Variants in RPRD1B observed in about 807,000 individuals in gnomAD.
The protein encoded by RPRD1B is regulation of nuclear pre-mRNA domain containing 1B.
In RPRD1B, 11 loss-of-function variants were observed where a neutral mutation model predicts 41.5. That is an observed-to-expected ratio of 0.27 (90% confidence interval 0.17 to 0.44). The LOEUF is 0.44. Among genes scored for constraint, RPRD1B ranks in the 20% least tolerant of loss-of-function variants. The pLI is 1.00. For missense variants in RPRD1B, 248 were observed against 389.9 expected (o/e 0.64, Z 3.06); for synonymous variants, 158 against 155.6 (o/e 1.02, Z -0.12).
rs573460686 is a variant in RPRD1B, at chr20:38,076,906, C to CTTTTTTTTTTTTTTTTTTTT, written c.831+10661_831+10680dup. Among the ~76,000 whole-genome samples, 17 of 63,524 alleles carry CTTTTTTTTTTTTTTTTTTTT rather than the reference C, an allele frequency of 2.7e-4. 2 individuals are homozygous for CTTTTTTTTTTTTTTTTTTTT. Among genetic ancestry groups the CTTTTTTTTTTTTTTTTTTTT allele is most frequent in the Admixed American group, 5.3e-4 (3 of 5,692 alleles). The allele number at this position is 63,524 out of a possible 152,430, so 41.7% of individuals were successfully genotyped here. On this transcript the variant is annotated intron_variant, in intron 6 of 6. Coordinates refer to ENST00000373433, the MANE Select transcript of RPRD1B (RefSeq NM_021215.4). ...CCTTTAGCCTTTTCTCATTCTGGACCTTTTTTTTTTTTTTTTTTTTTTTTT... is the reference window on the plus strand; with the variant it reads ...CCTTTAGCCTTTTCTCATTCTGGACCTTTTTTTTTTTTTTTTTTTTTTTTTTTTTTTTTTTTTTTTTTTTT...
intron 6 of RPRD1B, among the ~76,000 whole-genome samples, chr20:38,084,842 T>C (rs574160438): frequency 2.6e-5 from 4 of 152,360 alleles, no homozygotes; most frequent in South Asian, 2.1e-4. Flanking sequence ...CCCTCTACAT[T>C]GTAAACATTT....
intron 4 of RPRD1B, among the ~76,000 whole-genome samples, chr20:38,058,260 G>T (rs1488216014): frequency 6.6e-6 from 1 of 152,060 alleles, no homozygotes; most frequent in Non-Finnish European, 1.5e-5. Flanking sequence ...CGGGGGCGGG[G>T]GGGGCTTCAT....
At chr20:38,077,951 G>A (rs993978371) in intron 6 of RPRD1B, among the ~76,000 whole-genome samples, 21 of 152,172 alleles carry the variant, frequency 1.4e-4, no homozygotes, top group South Asian at 6.2e-4. Flanking sequence ...TGAGGCAGGC[G>A]GATCACTTGA....
At chr20:38,082,786 A>T (rs1245202313) in intron 6 of RPRD1B, among the ~76,000 whole-genome samples, 1 of 151,998 alleles carries the variant, frequency 6.6e-6, no homozygotes, top group Admixed American at 6.6e-5. Flanking sequence ...ACATAACCTT[A>T]TTGTTTGTTT....
chr20:38,079,693 A>G (rs915776038), intron 6 of RPRD1B, among the ~76,000 whole-genome samples: 5 of 152,130 alleles, frequency 3.3e-5, no homozygotes, highest in African/African-American at 1.2e-4. Context: ...TTAGGCATGC[A>G]TGTGTCTTTA....
rs6022919 is a variant in RPRD1B at position 38,087,048 on chromosome 20, G to A, written c.832-2678G>A. Among the ~76,000 whole-genome samples the A allele has an allele frequency of 8.6e-5, 13 of 151,362 alleles. No homozygotes were observed. The South Asian group carries it at 2.1e-3, about 24-fold the overall frequency. ...CTCAGCTCACCACAACCTCTGCCCC[G>A]CCGGGTTCAAGCAATTCTCCTGCCT... On this transcript the variant is annotated intron_variant, in intron 6 of 6. Transcript: ENST00000373433.
At position 38,092,120 on chromosome 20, in the gene RPRD1B, T is replaced by C. The variant is rs934001245; in HGVS notation, c.*2245T>C. 28 of 985,632 alleles carry C rather than the reference T, an allele frequency of 2.8e-5. No individual in the cohort carries two copies. In the African/African-American group the frequency reaches 4.5e-4, roughly 16 times the overall value. The allele number at this position is 985,632 out of a possible 1,614,324, so 61.1% of individuals were successfully genotyped here. A position where few individuals can be genotyped will look rare whatever the true frequency, so the allele number is the denominator to read the frequency against. On this transcript the variant is annotated 3_prime_UTR_variant, in exon 7 of 7. Coordinates refer to ENST00000373433, the MANE Select transcript of RPRD1B (RefSeq NM_021215.4). Reference sequence around the variant, plus strand: ...GTGGGGTGGGTGGTTTTTGTTTTTGTGTTTTTTCTTTCTTAGGGCATCTGT... The same window carrying C: ...GTGGGGTGGGTGGTTTTTGTTTTTGCGTTTTTTCTTTCTTAGGGCATCTGT...
At chr20:38,087,642 G>A (rs144423784) in intron 6 of RPRD1B, among the ~76,000 whole-genome samples, 99 of 152,262 alleles carry the variant, frequency 6.5e-4, no homozygotes, top group African/African-American at 2.3e-3. Flanking sequence ...AGATGAATCC[G>A]TGTCCAGAAA....
intron 3 of RPRD1B, among the ~76,000 whole-genome samples, chr20:38,056,072 A>G (rs1167603350): frequency 1.3e-5 from 2 of 152,160 alleles, no homozygotes; most frequent in Non-Finnish European, 2.9e-5. Flanking sequence ...CTTTTTTTGT[A>G]ATAGACAGAA....
chr20:38,072,736 ATATTATAAAGGCCCTGTC>A lies in RPRD1B; in HGVS notation c.831+6483_831+6500del, dbSNP rs530793332. On this transcript the variant is annotated intron_variant, in intron 6 of 6. Transcript: ENST00000373433. ...AGAGTGTCATTTACTGATGCATTTG[ATATTATAAAGGCCCTGTC>A]TAGGTTTTGGGACCACAGATGGAGG... 3.0e-3 allele frequency among the ~76,000 whole-genome samples: 451 copies of A among 152,268 alleles called. 1 individual carries two copies. Among genetic ancestry groups the A allele is most frequent in the Middle Eastern group, 0.014 (4 of 294 alleles).
At chr20:38,042,697 C>T (rs537487961) in intron 2 of RPRD1B, among the ~76,000 whole-genome samples, 6 of 152,268 alleles carry the variant, frequency 3.9e-5, no homozygotes, top group South Asian at 2.1e-4. Context: ...CTGCTTCAAC[C>T]GTGATGCAGC....
intron 3 of RPRD1B, among the ~76,000 whole-genome samples, chr20:38,055,315 A>T (rs2074227888): frequency 6.6e-6 from 1 of 152,242 alleles, no homozygotes; most frequent in Admixed American, 6.5e-5. Flanking sequence ...GGTATAATTT[A>T]GATACATATC....
chr20:38,056,248 A>G (rs2074239606), intron 3 of RPRD1B, among the ~76,000 whole-genome samples: 1 of 152,072 alleles, frequency 6.6e-6, no homozygotes, highest in Non-Finnish European at 1.5e-5. Context: ...AAAATTAGCC[A>G]GGCATGGGGG....
chr20:38,044,372 A>ATTT (rs74179885), intron 2 of RPRD1B, among the ~76,000 whole-genome samples: 26,857 of 124,316 alleles, frequency 0.22, 3,847 homozygotes, highest in African/African-American at 0.38. Context: ...TCAGGTGTTC[A>ATTT]TTTTTTTTTT....
At chr20:38,071,922 C>G (rs2074416812) in intron 6 of RPRD1B, among the ~76,000 whole-genome samples, 1 of 151,986 alleles carries the variant, frequency 6.6e-6, no homozygotes. Context: ...GGATAATATA[C>G]CTTTATCACA....
At chr20:38,059,977 A>G (rs2074281721) in intron 5 of RPRD1B, among the ~76,000 whole-genome samples, 1 of 152,186 alleles carries the variant, frequency 6.6e-6, no homozygotes. Flanking sequence ...TCTGTTAGAC[A>G]TGTCATTTTG....
At chr20:38,053,890 T>C (rs1007773565) in intron 3 of RPRD1B, among the ~76,000 whole-genome samples, 2 of 152,236 alleles carry the variant, frequency 1.3e-5, no homozygotes, top group Admixed American at 1.3e-4. Context: ...GTAAGTTATA[T>C]ATAAATACCA....
Position 38,076,906 on chromosome 20 carries a change from C to CTTTTTTTTTTTTTTT in RPRD1B, c.831+10666_831+10680dup, listed in dbSNP as rs573460686. ...CCTTTAGCCTTTTCTCATTCTGGAC[C>CTTTTTTTTTTTTTTT]TTTTTTTTTTTTTTTTTTTTTTTTT... On this transcript the variant is annotated intron_variant, in intron 6 of 6. Transcript: ENST00000373433. Among the ~76,000 whole-genome samples the CTTTTTTTTTTTTTTT allele has an allele frequency of 1.6e-3, 102 of 63,516 alleles. 23 individuals are homozygous for CTTTTTTTTTTTTTTT. Among genetic ancestry groups the CTTTTTTTTTTTTTTT allele is most frequent in the Non-Finnish European group, 2.1e-3 (77 of 36,260 alleles). 41.7% of individuals were successfully genotyped at this position (63,516 alleles called of 152,430 possible).
At chr20:38,059,774 G>A (rs2074278801) in intron 5 of RPRD1B, among the ~76,000 whole-genome samples, 1 of 152,186 alleles carries the variant, frequency 6.6e-6, no homozygotes, top group Non-Finnish European at 1.5e-5. Context: ...CTCTAAATAA[G>A]GTCTGTTAAA....
Sources: allele counts gnomAD v4.1 joint callset (sites outside exome capture counted in the v4.1 genomes callset), GRCh38; gene constraint gnomAD v4.1.1; transcripts MANE v1.5; gene names NCBI Gene and HGNC (gene_info 2026-07-23, HGNC 2026-07-21).